The following SARS2 variants were observed in gnomAD, a reference collection of about 807,000 sequenced individuals.
SARS2 encodes the protein serine--tRNA ligase, mitochondrial.
A neutral mutation model predicts 66.8 loss-of-function variants in SARS2; 52 were observed. The ratio of observed to expected loss-of-function variants is 0.78; its 90% CI spans 0.62 to 0.98. The LOEUF (loss-of-function observed/expected upper bound fraction) is 0.98, where lower values mean the gene tolerates loss of function less well. Ranked by LOEUF, SARS2 falls within the 50% of genes least tolerant of loss-of-function variation. SARS2 has a pLI of 0.00. For missense variants in SARS2, 673 were observed against 706.3 expected (o/e 0.95, Z 0.53); for synonymous variants, 306 against 281.4 (o/e 1.09, Z -0.87).
intron 2 of SARS2, 38 bp downstream of exon 2, chr19:38,926,167 C>G (rs901062425): frequency 6.5e-7 from 1 of 1,530,350 alleles, no homozygotes; most frequent in Admixed American, 1.7e-5. Context: ...GAGACACCCT[C>G]GTGGCCACTC....
chr19:38,930,443 C>T (rs758611717), intron 1 of SARS2, 27 bp downstream of exon 1: 23 of 1,576,912 alleles, frequency 1.5e-5, no homozygotes, highest in Middle Eastern at 1.7e-4. Flanking sequence ...AACGTCTGCG[C>T]CCCCCGGCCG....
chr19:38,921,840 G>C, intron 3 of SARS2, 173 bp from the exon 4 acceptor site: 6 of 1,323,512 alleles, frequency 4.5e-6, no homozygotes, highest in Middle Eastern at 2.1e-4. Flanking sequence ...GCAGGTTTGT[G>C]GGGAAAAGAA....
chr19:38,923,789 G>T (rs1974582246), intron 2 of SARS2, among the ~76,000 whole-genome samples: 1 of 151,906 alleles, frequency 6.6e-6, no homozygotes, highest in African/African-American at 2.4e-5. Context: ...GACCATCCTG[G>T]CTAACATGGT....
chr19:38,922,443 A>G (rs1411986873), intron 2 of SARS2, among the ~76,000 whole-genome samples, 176 bp from the exon 3 acceptor site: 1 of 152,194 alleles, frequency 6.6e-6, no homozygotes, highest in Non-Finnish European at 1.5e-5. Context: ...CGCTACAAGG[A>G]GGCAAGATAA....
chr19:38,918,233 C>A, intron 9 of SARS2, 94 bp from the exon 10 acceptor site: 1 of 1,369,682 alleles, frequency 7.3e-7, no homozygotes, highest in East Asian at 2.5e-5. Context: ...GGATGCAACC[C>A]CAGGTCAAGG....
At chr19:38,920,964 GATACAGACAC>G (rs1974516671) in intron 5 of SARS2, among the ~76,000 whole-genome samples, 2 of 88,894 alleles carry the variant, frequency 2.2e-5, no homozygotes, top group African/African-American at 1.0e-4. Flanking sequence ...CACAGACACA[GATACAGACAC>G]ACACAAACAC....
At chr19:38,924,803 C>T (rs562589694) in intron 2 of SARS2, among the ~76,000 whole-genome samples, 18 of 152,260 alleles carry the variant, frequency 1.2e-4, no homozygotes, top group East Asian at 3.9e-4. Context: ...CCCCCATACC[C>T]GGCCATTTAG....
At chr19:38,920,875 AC>A (rs1974511471) in intron 5 of SARS2, among the ~76,000 whole-genome samples, 5 of 151,826 alleles carry the variant, frequency 3.3e-5, no homozygotes, top group Admixed American at 3.3e-4. Context: ...AGATACATAG[AC>A]ACACACAGAC....
chr19:38,920,001 C>T (rs1974489522), intron 6 of SARS2, 85 bp downstream of exon 6: 4 of 1,399,476 alleles, frequency 2.9e-6, no homozygotes, highest in African/African-American at 1.4e-5. Flanking sequence ...TTCCACATCT[C>T]ACGCTGAGGC....
At position 38,918,144 on chromosome 19, in the gene SARS2, G is replaced by A. The variant is rs1974452361; in HGVS notation, c.917-5C>T. 1 of 1,594,984 alleles carries A rather than the reference G, an allele frequency of 6.3e-7. No homozygotes were observed. The highest frequency in any genetic ancestry group is 8.5e-7 in the Non-Finnish European group (1 of 1,171,056). ...CGGTGTGGTCCATGAAGTAGCCTGG[G>A]AGGAGAGACCACAGGGTGAGCCAGG... On this transcript the variant is annotated splice_polypyrimidine_tract_variant and splice_region_variant and intron_variant, in intron 9 of 15. Coordinates refer to ENST00000221431, the MANE Select transcript of SARS2 (RefSeq NM_017827.4).
rs1974485220 is a variant in SARS2, at chr19:38,919,824, C to T, written c.697G>A (p.Gly233Arg). The T allele has an allele frequency of 3.1e-6, 5 of 1,614,150 alleles. No homozygotes were observed. Among genetic ancestry groups the T allele is most frequent in the Non-Finnish European group, 3.4e-6 (4 of 1,180,032 alleles). ...CCGTGCTGCAGGAGGGCTCCAGCCCCGCGCAGGTAATAGGACCGGTGGCCA... is the reference window on the plus strand; with the variant it reads ...CCGTGCTGCAGGAGGGCTCCAGCCCTGCGCAGGTAATAGGACCGGTGGCCA... ...VSGHRSYYLRGAGALLQHGLV... is the reference protein window; with the variant it reads ...VSGHRSYYLRRAGALLQHGLV... The change falls in exon 7 of 16, where the codon GGG becomes AGG. Residue 233 changes from glycine (G) to arginine (R), a missense_variant. Physicochemically the swap from Gly to Arg is moderately radical, Grantham distance 125. Transcript: ENST00000221431.
rs760767339 is a variant in SARS2 at position 38,930,615 on chromosome 19, C to T, written c.122G>A (p.Arg41Gln). 1 of 1,614,142 alleles carries T rather than the reference C, an allele frequency of 6.2e-7. No individual in the cohort carries two copies. The highest frequency in any genetic ancestry group is 1.1e-5 in the South Asian group (1 of 91,088). ...GCGCGCATACTCGTACAGGAGGTTC[C>T]GGTTTCGTTTCTCTGTAGTGAAACT... Reference protein sequence around the residue: ...RRSFTTEKRNRNLLYEYAREG... With the variant: ...RRSFTTEKRNQNLLYEYAREG... The change falls in exon 1 of 16, where the codon CGG becomes CAG. Residue 41 changes from arginine to glutamine, a missense_variant. Arg to Gln is a conservative substitution (Grantham distance 43, BLOSUM62 1). Coordinates refer to ENST00000221431, the MANE Select transcript of SARS2 (RefSeq NM_017827.4).
intron 5 of SARS2, among the ~76,000 whole-genome samples, chr19:38,920,900 AAC>A (rs1240563208): frequency 4.8e-5 from 7 of 147,034 alleles, no homozygotes; most frequent in East Asian, 2.0e-4. Flanking sequence ...CACACACACA[AAC>A]ACAGATATAC....
chr19:38,924,062 G>A (rs1272474349), intron 2 of SARS2, among the ~76,000 whole-genome samples: 2 of 152,030 alleles, frequency 1.3e-5, no homozygotes, highest in African/African-American at 2.4e-5. Context: ...AACCTGGGAG[G>A]TGGAGGTTGC....
chr19:38,920,858 TACACACAGATACATAGACACACACAGAC>T (rs1974510645), intron 5 of SARS2, among the ~76,000 whole-genome samples: 1 of 136,660 alleles, frequency 7.3e-6, no homozygotes. Flanking sequence ...CACAGATACA[TACACACAGATACATAGACACACACAGAC>T]ACACACACAC....
At chr19:38,921,283 G>A in intron 5 of SARS2, 109 bp downstream of exon 5, 1 of 1,186,080 alleles carries the variant, frequency 8.4e-7, no homozygotes, top group Non-Finnish European at 1.2e-6. Context: ...ACCGCCAGGA[G>A]TTCTCCAGGC....
intron 13 of SARS2, 39 bp from the exon 14 acceptor site, chr19:38,916,168 G>C: frequency 1.2e-6 from 2 of 1,612,996 alleles, no homozygotes; most frequent in Non-Finnish European, 1.7e-6. Flanking sequence ...GATCAGGGAT[G>C]GGGGGCAGGC....
intron 12 of SARS2, among the ~76,000 whole-genome samples, chr19:38,916,559 G>T (rs993649948): frequency 2.7e-5 from 4 of 150,574 alleles, no homozygotes; most frequent in Non-Finnish European, 4.5e-5. Context: ...GTACATGGAG[G>T]GGGAAGCACA....
At chr19:38,919,361 G>A (rs1466332092) in intron 7 of SARS2, among the ~76,000 whole-genome samples, 2 of 152,206 alleles carry the variant, frequency 1.3e-5, no homozygotes, top group Admixed American at 1.3e-4. Context: ...AGTACCCTCT[G>A]AAAATGTCTG....
Sources: gnomAD v4.1 joint callset for allele counts (sites outside exome capture counted in the v4.1 genomes callset) on GRCh38, gnomAD v4.1.1 for gene constraint, MANE v1.5 for transcripts, NCBI Gene and HGNC (gene_info 2026-07-23, HGNC 2026-07-21) for gene names.